Variants in NCALD observed in about 807,000 individuals in gnomAD.
NCALD encodes the protein neurocalcin delta, also known as neurocalcin-delta.
Under a neutral mutation model 18.6 loss-of-function variants are expected in NCALD, and 10 were observed. The ratio of observed to expected loss-of-function variants is 0.54; its 90% confidence interval spans 0.33 to 0.91. The LOEUF (loss-of-function observed/expected upper bound fraction) is 0.91, where lower values mean the gene tolerates loss of function less well. Ranked by LOEUF, NCALD falls within the 40% of genes least tolerant of loss-of-function variation. NCALD has a pLI of 0.03. For missense variants in NCALD, 184 were observed against 247.6 expected (o/e 0.74, Z 1.72); for synonymous variants, 88 against 87.4 (o/e 1.01, Z -0.04).
At chr8:101,776,538 A>G (rs1811799039) in intron 1 of NCALD, among the ~76,000 whole-genome samples, 1 of 152,090 alleles carries the variant, frequency 6.6e-6, no homozygotes, top group Non-Finnish European at 1.5e-5. Flanking sequence ...TGGTGACTGG[A>G]GTCGGAGGCA....
chr8:101,699,957 T>G (rs1815178011), intron 2 of NCALD, among the ~76,000 whole-genome samples: 1 of 152,220 alleles, frequency 6.6e-6, no homozygotes, highest in Non-Finnish European at 1.5e-5. Flanking sequence ...AATTATTTAA[T>G]AATTATGTAT....
intron 1 of NCALD, among the ~76,000 whole-genome samples, chr8:101,742,180 G>A (rs1307092942): frequency 4.0e-5 from 6 of 150,252 alleles, no homozygotes; most frequent in African/African-American, 1.2e-4. Context: ...TTGAACCCCT[G>A]AAGTGGTGCA....
At chr8:101,727,160 T>C (rs761768292) in intron 1 of NCALD, among the ~76,000 whole-genome samples, 8 of 152,200 alleles carry the variant, frequency 5.3e-5, no homozygotes, top group Non-Finnish European at 1.2e-4. Context: ...ACTTTCCTCA[T>C]CTCAGTGAAG....
At chr8:101,797,290 A>T (rs1812672648) in intron 4 of NCALD, among the ~76,000 whole-genome samples, 1 of 152,254 alleles carries the variant, frequency 6.6e-6, no homozygotes. Flanking sequence ...AGGATAAATA[A>T]CTATAAAGAA....
At position 101,762,948 on chromosome 8, in the gene NCALD, A is replaced by G. The variant is rs16868369; in HGVS notation, c.-20+27914T>C. Among the ~76,000 whole-genome samples, 854 of 152,270 alleles carry G rather than the reference A, an allele frequency of 5.6e-3. 11 individuals are homozygous for G. The highest frequency in any genetic ancestry group is 0.018 in the African/African-American group (742 of 41,560). ...TACCTAATATCAGCACCTCTTGCCT[A>G]TGATTCTGTTAGGTACTGTTTTAGG... On this transcript the variant is annotated intron_variant, in intron 1 of 3. Transcript: ENST00000220931.
chr8:101,869,992 T>A (rs188807790), intron 4 of NCALD, among the ~76,000 whole-genome samples: 14 of 152,354 alleles, frequency 9.2e-5, no homozygotes, highest in Admixed American at 9.1e-4. Flanking sequence ...AATACTTACA[T>A]GTGTTTTCTG....
At chr8:101,758,364 T>C (rs1258739227) in intron 1 of NCALD, among the ~76,000 whole-genome samples, 1 of 152,222 alleles carries the variant, frequency 6.6e-6, no homozygotes, top group East Asian at 1.9e-4. Flanking sequence ...CTACTCATCC[T>C]GCCTGGATTC....
At chr8:101,852,104 C>G (rs1815118672) in intron 4 of NCALD, among the ~76,000 whole-genome samples, 1 of 152,128 alleles carries the variant, frequency 6.6e-6, no homozygotes, top group South Asian at 2.1e-4. Flanking sequence ...CCTCCATAAC[C>G]ATGAGCAATA....
At chr8:101,748,275 G>C (rs1025995820) in intron 1 of NCALD, among the ~76,000 whole-genome samples, 5 of 152,176 alleles carry the variant, frequency 3.3e-5, no homozygotes, top group Non-Finnish European at 7.3e-5. Flanking sequence ...TTTACGTTTA[G>C]CAGATTTATG....
At chr8:101,882,346 G>T (rs927032121) in intron 4 of NCALD, among the ~76,000 whole-genome samples, 1 of 152,042 alleles carries the variant, frequency 6.6e-6, no homozygotes, top group Admixed American at 6.6e-5. Context: ...ACATGAAGGT[G>T]GATTTAGTGT....
chr8:101,693,793 T>A (rs1814859596), intron 2 of NCALD: 1 of 152,232 alleles, frequency 6.6e-6, no homozygotes, highest in South Asian at 2.1e-4. Context: ...CCAGGCAGAC[T>A]TCTAGTCCAT....
chr8:101,906,537 G>A (rs1817617860), intron 3 of NCALD, among the ~76,000 whole-genome samples: 1 of 152,176 alleles, frequency 6.6e-6, no homozygotes, highest in Non-Finnish European at 1.5e-5. Flanking sequence ...TACCTGCAAA[G>A]CAGCCAGCCA....
At chr8:101,868,949 T>C (rs948430053) in intron 4 of NCALD, among the ~76,000 whole-genome samples, 1 of 152,216 alleles carries the variant, frequency 6.6e-6, no homozygotes, top group Non-Finnish European at 1.5e-5. Context: ...CCTGGACAAA[T>C]TGCAGTCAAG....
chr8:101,718,405 C>T (rs1413400923), intron 2 of NCALD, among the ~76,000 whole-genome samples: 1 of 152,116 alleles, frequency 6.6e-6, no homozygotes, highest in Non-Finnish European at 1.5e-5. Context: ...CTCTGCAATT[C>T]TCTCTGTCTC....
At chr8:102,042,256 A>T (rs1404605837) in intron 1 of NCALD, among the ~76,000 whole-genome samples, 1 of 151,994 alleles carries the variant, frequency 6.6e-6, no homozygotes, top group African/African-American at 2.4e-5. Context: ...CAAGAATATC[A>T]AAGTCAGAGA....
In NCALD at chr8:101,944,808, T is replaced by G. The variant is rs146377104; in HGVS notation, c.-156-28950A>C. 2.6e-5 allele frequency among the ~76,000 whole-genome samples: 4 copies of G among 152,328 alleles called. No homozygotes were observed. The East Asian group carries it at 7.7e-4, about 29-fold the overall frequency. ...TTCTCCCAGGCTCCAGCATTTCCTG[T>G]CAGGCCCAAGAGTAACAACAGCTTC... is the stretch of plus-strand genomic sequence containing the variant. On this transcript the variant is annotated intron_variant, in intron 2 of 6. Transcript: ENST00000311028.
In NCALD at chr8:101,686,603, G is replaced by A. The variant is rs1049256548; in HGVS notation, c.*2706C>T. On this transcript the variant is annotated 3_prime_UTR_variant, in exon 4 of 4. Coordinates refer to ENST00000220931, the MANE Select transcript of NCALD (RefSeq NM_032041.3). ...AGAGCTACACAGTCAACTGATTTACGGGCCACTCCATAGGCTATGATTTAT... is the reference window on the plus strand; with the variant it reads ...AGAGCTACACAGTCAACTGATTTACAGGCCACTCCATAGGCTATGATTTAT... 8 of 152,382 alleles carry A rather than the reference G, an allele frequency of 5.2e-5. No individual in the cohort carries two copies. Among genetic ancestry groups the A allele is most frequent in the South Asian group, 2.1e-4 (1 of 4,802 alleles). 9.4% of individuals were successfully genotyped at this position (152,382 alleles called of 1,614,324 possible). A position where few individuals can be genotyped will look rare whatever the true frequency, so the allele number is the denominator to read the frequency against.
chr8:101,901,786 C>T (rs1001231288), intron 3 of NCALD, among the ~76,000 whole-genome samples: 3 of 132,846 alleles, frequency 2.3e-5, no homozygotes, highest in Non-Finnish European at 4.7e-5. Context: ...CTTTGCATTA[C>T]TCTTTTCTCT....
chr8:101,835,860 T>A (rs1424765103), intron 4 of NCALD, among the ~76,000 whole-genome samples: 1 of 151,886 alleles, frequency 6.6e-6, no homozygotes, highest in African/African-American at 2.4e-5. Context: ...AGAATAGAGG[T>A]TAAAAAGATG....
Sources: allele counts gnomAD v4.1 joint callset (sites outside exome capture counted in the v4.1 genomes callset), GRCh38; gene constraint gnomAD v4.1.1; transcripts MANE v1.5; gene names NCBI Gene and HGNC (gene_info 2026-07-23, HGNC 2026-07-21).